ERC1: variants seen among roughly 807,000 people sequenced by gnomAD.
ERC1 encodes RAB6 interacting protein 2.
Under a neutral mutation model 132.0 loss-of-function variants are expected in ERC1, and 56 were observed. The ratio of observed to expected loss-of-function variants is 0.42; its 90% confidence interval spans 0.34 to 0.53. The LOEUF (loss-of-function observed/expected upper bound fraction) is 0.53. Ranked by LOEUF, ERC1 falls within the 20% of genes least tolerant of loss-of-function variation. ERC1 has a pLI of 0.03. For synonymous variants in ERC1, 478 were observed against 476.1 expected, an observed-to-expected ratio of 1.00 and a Z score of -0.05; for missense variants, 1,202 against 1,349.9, an observed-to-expected ratio of 0.89 and a Z score of 1.72.
intron 15 of ERC1, among the ~76,000 whole-genome samples, chr12:1,311,648 C>A (rs1328619837): frequency 1.3e-5 from 2 of 152,038 alleles, no homozygotes; most frequent in Non-Finnish European, 2.9e-5. Context: ...AGGCAACTAC[C>A]AACTTATTTT....
At chr12:1,035,617 C>T (rs1430826068) in intron 2 of ERC1, among the ~76,000 whole-genome samples, 1 of 152,074 alleles carries the variant, frequency 6.6e-6, no homozygotes, top group Non-Finnish European at 1.5e-5. Context: ...GGTGGAACTG[C>T]AGAGCTACTA....
intron 18 of ERC1, among the ~76,000 whole-genome samples, chr12:1,460,870 G>A (rs1324313476): frequency 6.6e-6 from 1 of 151,166 alleles, no homozygotes; most frequent in Non-Finnish European, 1.5e-5. Context: ...TAGTTGAAAA[G>A]GGGAAGAAAG....
chr12:1,348,868 T>C (rs1262290206), intron 15 of ERC1, among the ~76,000 whole-genome samples: 1 of 152,196 alleles, frequency 6.6e-6, no homozygotes, highest in Non-Finnish European at 1.5e-5. Flanking sequence ...ACTGGAAAGC[T>C]TCAAGCCTTG....
chr12:1,093,285 C>G (rs7301047), intron 3 of ERC1, among the ~76,000 whole-genome samples: 1 of 152,122 alleles, frequency 6.6e-6, no homozygotes, highest in Admixed American at 6.5e-5. Flanking sequence ...GTTGTTTGAC[C>G]GCTTATTCTT....
At position 1,008,616 on chromosome 12, in the gene ERC1, T is replaced by C. The variant is rs558352901; in HGVS notation, c.-157+17294T>C. 1.2e-4 allele frequency among the ~76,000 whole-genome samples: 19 copies of C among 152,258 alleles called. No homozygotes were observed. In the South Asian group the frequency reaches 3.9e-3, roughly 32 times the overall value. On this transcript the variant is annotated intron_variant, in intron 1 of 18. Coordinates refer to ENST00000360905, the MANE Select transcript of ERC1 (RefSeq NM_178040.4). Reference sequence around the variant, plus strand: ...TACTAGCTCTTTGAAATCAATTGTATACTTTCATAGTATATCTTAATTGAA... The same window carrying C: ...TACTAGCTCTTTGAAATCAATTGTACACTTTCATAGTATATCTTAATTGAA...
At chr12:1,457,269 C>T (rs933476491) in intron 18 of ERC1, among the ~76,000 whole-genome samples, 1 of 152,090 alleles carries the variant, frequency 6.6e-6, no homozygotes, top group Non-Finnish European at 1.5e-5. Flanking sequence ...AGAATGTATC[C>T]CCACCATTAA....
intron 15 of ERC1, among the ~76,000 whole-genome samples, chr12:1,365,338 A>G (rs1330031185): frequency 6.6e-6 from 1 of 151,870 alleles, no homozygotes; most frequent in Non-Finnish European, 1.5e-5. Flanking sequence ...AAAAAAAAAA[A>G]TGCCTTAAAA....
intron 7 of ERC1, among the ~76,000 whole-genome samples, chr12:1,130,779 A>G (rs928198872): frequency 1.3e-5 from 2 of 152,142 alleles, no homozygotes; most frequent in Non-Finnish European, 2.9e-5. Context: ...AAAACAGTTT[A>G]CTTCCGTGTG....
At chr12:1,082,975 G>GTTCTC (rs1245114578) in intron 2 of ERC1, among the ~76,000 whole-genome samples, 189 bp from the exon 3 acceptor site, 1 of 152,154 alleles carries the variant, frequency 6.6e-6, no homozygotes, top group Non-Finnish European at 1.5e-5. Flanking sequence ...AGAATAAACT[G>GTTCTC]AAGTTAAATT....
intron 1 of ERC1, among the ~76,000 whole-genome samples, chr12:993,265 A>G: frequency 6.6e-6 from 1 of 152,230 alleles, no homozygotes. Flanking sequence ...TAAATTATAC[A>G]TAGACTTAAT....
intron 18 of ERC1, among the ~76,000 whole-genome samples, chr12:1,448,190 CAT>C (rs1181843156): frequency 3.9e-5 from 6 of 152,350 alleles, no homozygotes; most frequent in East Asian, 3.9e-4. Flanking sequence ...TGCTCACACA[CAT>C]GACTTCCGTT....
At chr12:1,080,296 A>G (rs959150204) in intron 2 of ERC1, among the ~76,000 whole-genome samples, 4 of 152,250 alleles carry the variant, frequency 2.6e-5, no homozygotes, top group East Asian at 1.9e-4. Context: ...TCCCACTCCT[A>G]TGTCCTGGCA....
chr12:1,271,191 C>G (rs559340682), intron 14 of ERC1, among the ~76,000 whole-genome samples: 1 of 152,146 alleles, frequency 6.6e-6, no homozygotes, highest in Admixed American at 6.5e-5. Context: ...TGTATAAACT[C>G]TTTTAGGAGG....
chr12:1,061,435 T>TAA (rs35881682), intron 2 of ERC1, among the ~76,000 whole-genome samples: 3 of 141,038 alleles, frequency 2.1e-5, no homozygotes, highest in Non-Finnish European at 3.1e-5. Context: ...GTCTCTACTA[T>TAA]AAAAAAAAAA....
rs149747162 is a variant in ERC1 at position 1,163,345 on chromosome 12, C to T, written c.1738-17195C>T. ...TTCCTTCCACTTCCAGAACACTCCT[C>T]TCCAAAAAATACTACAAAATAACAA... On this transcript the variant is annotated intron_variant, in intron 8 of 18. Coordinates refer to ENST00000360905, the MANE Select transcript of ERC1 (RefSeq NM_178040.4). Among the ~76,000 whole-genome samples the T allele has an allele frequency of 3.6e-3, 548 of 152,268 alleles. 3 individuals carry two copies. The highest frequency in any genetic ancestry group is 9.2e-3 in the African/African-American group (381 of 41,544).
chr12:1,465,780 C>T (rs879673409), intron 18 of ERC1, among the ~76,000 whole-genome samples: 1 of 152,248 alleles, frequency 6.6e-6, no homozygotes, highest in Non-Finnish European at 1.5e-5. Context: ...CCCAGCCCTC[C>T]ACGGCAGCAC....
At chr12:1,027,656 G>A in intron 1 of ERC1, 92 bp from the exon 2 acceptor site, 1 of 507,846 alleles carries the variant, frequency 2.0e-6, no homozygotes. Flanking sequence ...TGGTAGAAGG[G>A]CTAGATCTTC....
intron 16 of ERC1, among the ~76,000 whole-genome samples, chr12:1,385,389 T>C (rs2089207768): frequency 6.6e-6 from 1 of 152,124 alleles, no homozygotes; most frequent in Non-Finnish European, 1.5e-5. Flanking sequence ...TTCACGCCAT[T>C]CTCCTGCCTC....
At chr12:1,296,009 A>AG (rs932251498) in intron 15 of ERC1, among the ~76,000 whole-genome samples, 7 of 134,312 alleles carry the variant, frequency 5.2e-5, no homozygotes, top group Non-Finnish European at 1.6e-5. Flanking sequence ...TTGGTTTAAC[A>AG]GAAAAAAAAA....
Sources: gnomAD v4.1 joint callset for allele counts (sites outside exome capture counted in the v4.1 genomes callset) on GRCh38, gnomAD v4.1.1 for gene constraint, MANE v1.5 for transcripts, NCBI Gene and HGNC (gene_info 2026-07-23, HGNC 2026-07-21) for gene names.